The following CSMD1 variants were observed in gnomAD, a reference collection of about 807,000 sequenced individuals.
The protein encoded by CSMD1 is CUB and Sushi multiple domains 1.
A neutral mutation model predicts 417.5 loss-of-function variants in CSMD1; 213 were observed. The ratio of observed to expected loss-of-function variants is 0.51; its 90% CI spans 0.46 to 0.57. The LOEUF is 0.57. CSMD1 is among the 20% of genes least tolerant of loss of function. CSMD1 has a pLI of 0.00. For synonymous variants in CSMD1, 2,862 were observed against 1,736.8 expected, an observed-to-expected ratio of 1.65 and a Z score of -16.11; for missense variants, 6,923 against 4,529.7, an observed-to-expected ratio of 1.53 and a Z score of -15.17.
intron 3 of CSMD1, among the ~76,000 whole-genome samples, chr8:4,366,472 G>A (rs1051883991): frequency 1.3e-5 from 2 of 152,116 alleles, no homozygotes; most frequent in African/African-American, 4.8e-5. Flanking sequence ...TTAAATAGTA[G>A]TCCTGTTTTA....
intron 2 of CSMD1, among the ~76,000 whole-genome samples, chr8:4,439,657 G>T (rs779380043): frequency 2.0e-5 from 3 of 152,158 alleles, no homozygotes; most frequent in African/African-American, 4.8e-5. Context: ...GAAGTTGGTA[G>T]GAGTGCGTAC....
At chr8:3,693,418 C>T (rs1171970632) in intron 7 of CSMD1, among the ~76,000 whole-genome samples, 1 of 152,016 alleles carries the variant, frequency 6.6e-6, no homozygotes, top group Non-Finnish European at 1.5e-5. Flanking sequence ...GATAGGCTGA[C>T]AATTGTGGGT....
At chr8:3,487,471 G>C (rs139823428) in intron 11 of CSMD1, among the ~76,000 whole-genome samples, 5 of 152,144 alleles carry the variant, frequency 3.3e-5, no homozygotes. Flanking sequence ...CAAGTGTTGG[G>C]ATTACAGGCA....
chr8:3,988,424 T>G (rs1398711860), intron 5 of CSMD1, among the ~76,000 whole-genome samples: 1 of 152,220 alleles, frequency 6.6e-6, no homozygotes, highest in African/African-American at 2.4e-5. Flanking sequence ...GGTCTGTGTT[T>G]GTCAAATATG....
At chr8:4,594,643 C>G (rs1278851032) in intron 2 of CSMD1, among the ~76,000 whole-genome samples, 1 of 152,170 alleles carries the variant, frequency 6.6e-6, no homozygotes, top group East Asian at 1.9e-4. Context: ...GGTCTTTCAA[C>G]TTCAAAACCT....
At chr8:3,317,120 A>C (rs1426700560) in intron 23 of CSMD1, among the ~76,000 whole-genome samples, 1 of 152,162 alleles carries the variant, frequency 6.6e-6, no homozygotes, top group Non-Finnish European at 1.5e-5. Flanking sequence ...AGAAAAATGC[A>C]GCTCATGGGA....
chr8:4,836,630 C>A (rs1800510690), intron 1 of CSMD1, among the ~76,000 whole-genome samples: 1 of 152,308 alleles, frequency 6.6e-6, no homozygotes, highest in East Asian at 1.9e-4. Flanking sequence ...TGTTCTTACT[C>A]TTAAAAGGCA....
At chr8:3,824,347 C>G (rs1306339839) in intron 5 of CSMD1, among the ~76,000 whole-genome samples, 2 of 152,110 alleles carry the variant, frequency 1.3e-5, no homozygotes, top group African/African-American at 2.4e-5. Flanking sequence ...ATACTATGTG[C>G]AAAGTTTGTC....
intron 2 of CSMD1, among the ~76,000 whole-genome samples, chr8:4,466,024 T>C (rs892474202): frequency 1.3e-5 from 2 of 152,164 alleles, no homozygotes; most frequent in African/African-American, 4.8e-5. Flanking sequence ...CACATTTGGA[T>C]TGACAAATTA....
intron 3 of CSMD1, among the ~76,000 whole-genome samples, chr8:4,039,573 G>C (rs996275675): frequency 6.6e-6 from 1 of 152,176 alleles, no homozygotes; most frequent in Admixed American, 6.5e-5. Flanking sequence ...GGCAGTCATT[G>C]AATGCCTTCT....
At chr8:3,979,606 G>C (rs1366573895) in intron 5 of CSMD1, among the ~76,000 whole-genome samples, 1 of 152,152 alleles carries the variant, frequency 6.6e-6, no homozygotes, top group South Asian at 2.1e-4. Flanking sequence ...CCAACATGAT[G>C]AGATTATAAA....
chr8:3,988,636 A>G (rs1358703707), intron 5 of CSMD1, among the ~76,000 whole-genome samples: 1 of 152,208 alleles, frequency 6.6e-6, no homozygotes, highest in African/African-American at 2.4e-5. Context: ...TAATAGATAA[A>G]TATGTACTTC....
chr8:3,634,762 G>C (rs7837887), intron 7 of CSMD1, among the ~76,000 whole-genome samples: 1 of 152,070 alleles, frequency 6.6e-6, no homozygotes, highest in South Asian at 2.1e-4. Flanking sequence ...CAGTTTGATT[G>C]CTTACCCATT....
chr8:4,216,281 C>T (rs970342707), intron 3 of CSMD1, among the ~76,000 whole-genome samples: 3 of 152,134 alleles, frequency 2.0e-5, no homozygotes, highest in African/African-American at 7.2e-5. Context: ...CTGACCTTCT[C>T]CCTGTGGTTG....
In CSMD1 at chr8:3,247,699, A is replaced by T. The variant is rs559062470; in HGVS notation, c.4154-17468T>A. On this transcript the variant is annotated intron_variant, in intron 26 of 69. Transcript: ENST00000635120. ...GAACTGTGGCAAACAGTTAAACCAC[A>T]TCTCCCAACAGTTGAGATTAACATG... is the stretch of plus-strand genomic sequence containing the variant. Among the ~76,000 whole-genome samples, 3 of 152,344 alleles carry T rather than the reference A, an allele frequency of 2.0e-5. No homozygotes were observed. In the East Asian group the frequency reaches 5.8e-4, roughly 29 times the overall value.
chr8:3,077,820 C>G lies in CSMD1; in HGVS notation c.7474+9277G>C, dbSNP rs569149574. 2.6e-5 allele frequency among the ~76,000 whole-genome samples: 4 copies of G among 152,322 alleles called. No individual in the cohort carries two copies. In the East Asian group the frequency reaches 7.7e-4, roughly 29 times the overall value. The stretch of plus-strand genomic sequence containing the variant: ...TGCCTCTTCAATGAAAGACCATAAC[C>G]TATCCTTCAGTGTCAGCTGGTATCT... On this transcript the variant is annotated intron_variant, in intron 49 of 69. Transcript: ENST00000635120.
chr8:4,955,375 G>C (rs1277265707), intron 1 of CSMD1, among the ~76,000 whole-genome samples: 1 of 151,880 alleles, frequency 6.6e-6, no homozygotes, highest in African/African-American at 2.4e-5. Context: ...ATTATGATTG[G>C]TGTCTTTCAT....
intron 17 of CSMD1, among the ~76,000 whole-genome samples, chr8:3,394,130 C>G (rs1247344851): frequency 2.1e-5 from 3 of 141,714 alleles, no homozygotes; most frequent in African/African-American, 7.7e-5. Context: ...CCTTACGAAG[C>G]CTGCCCTCTA....
intron 4 of CSMD1, among the ~76,000 whole-genome samples, chr8:4,026,309 G>C (rs915592804): frequency 6.6e-6 from 1 of 152,106 alleles, no homozygotes; most frequent in South Asian, 2.1e-4. Context: ...ACTGAGAAAA[G>C]CAAAATTTAA....
Sources: allele counts gnomAD v4.1 joint callset (sites outside exome capture counted in the v4.1 genomes callset), GRCh38; gene constraint gnomAD v4.1.1; transcripts MANE v1.5; gene names NCBI Gene and HGNC (gene_info 2026-07-23, HGNC 2026-07-21).